Variants in SPAM1 observed in about 807,000 individuals in gnomAD.
The protein encoded by SPAM1 is sperm adhesion molecule 1, also known as hyaluronidase PH-20.
A neutral mutation model predicts 29.6 loss-of-function variants in SPAM1; 22 were observed. The ratio of observed to expected loss-of-function variants is 0.74; its 90% CI spans 0.53 to 1.06. The LOEUF (loss-of-function observed/expected upper bound fraction) is 1.06, where lower values mean the gene tolerates loss of function less well. SPAM1 is among the 50% of genes least tolerant of loss of function. The probability of loss-of-function intolerance (pLI) is 0.00; values close to 1 mark genes in which losing one functional copy is unlikely to be tolerated. For synonymous variants in SPAM1, 194 were observed against 204.6 expected (o/e 0.95, Z 0.44); for missense variants, 534 against 604.0 (o/e 0.88, Z 1.21).
chr7:123,966,008 G>A (rs1407613199), intron 5 of SPAM1, among the ~76,000 whole-genome samples: 1 of 151,944 alleles, frequency 6.6e-6, no homozygotes, highest in Admixed American at 6.6e-5. Flanking sequence ...GAAAAGTTTT[G>A]TAATCTGACC....
rs772738728 is a variant in SPAM1 at position 123,954,405 on chromosome 7, C to A, written c.835C>A (p.Arg279Ser). Reference protein sequence around the residue: ...QSPVAATLYVRNRVREAIRVS... With the variant: ...QSPVAATLYVSNRVREAIRVS... ...TCCTGTAGCTGCTACACTCTATGTG[C>A]GCAATCGAGTTCGGGAAGCCATCAG... The change falls in exon 3 of 5, where the codon CGC becomes AGC. Residue 279 changes from arginine (R) to serine (S), a missense_variant. Transcript: ENST00000682466. 3 of 1,613,332 alleles carry A rather than the reference C, an allele frequency of 1.9e-6. No homozygotes were observed. The highest frequency in any genetic ancestry group is 2.5e-6 in the Non-Finnish European group (3 of 1,179,574).
intron 4 of SPAM1, among the ~76,000 whole-genome samples, chr7:123,958,616 C>T (rs1315347858): frequency 6.6e-6 from 1 of 151,844 alleles, no homozygotes; most frequent in African/African-American, 2.4e-5. Context: ...TTGCTTGAGC[C>T]CAAGAGTTCA....
chr7:123,960,668 T>A (rs931290709), downstream of SPAM1, among the ~76,000 whole-genome samples: 3 of 151,932 alleles, frequency 2.0e-5, no homozygotes, highest in African/African-American at 4.8e-5. Flanking sequence ...TACCGCCTCC[T>A]TCCTTTCCCC....
intron 2 of SPAM1, among the ~76,000 whole-genome samples, chr7:123,952,534 G>C (rs1329449721): frequency 6.6e-6 from 1 of 151,952 alleles, no homozygotes; most frequent in Admixed American, 6.6e-5. Context: ...CTTGACCTTT[G>C]CCCAGACCAT....
Position 123,959,643 on chromosome 7 carries a change from C to G in SPAM1, c.1204C>G (p.Pro402Ala). 2.5e-6 allele frequency: 4 copies of G among 1,613,234 alleles called. No homozygotes were observed. In the South Asian group the frequency reaches 3.3e-5, roughly 13 times the overall value. ...WNSSDYLHLN[P>A]DNFAIQLEKG... ...TTCAAGTGACTATCTTCACCTCAAC[C>G]CAGATAATTTTGCTATTCAACTTGA... is the stretch of plus-strand genomic sequence containing the variant. Residue 402 changes from proline to alanine, a missense_variant, in exon 5 of 5, where the codon CCA becomes GCA. Physicochemically the swap from Pro to Ala is conservative, Grantham distance 27 (BLOSUM62 -1). Coordinates refer to ENST00000682466, the MANE Select transcript of SPAM1 (RefSeq NM_153189.3).
At chr7:123,957,909 T>C (rs942876103) in intron 4 of SPAM1, among the ~76,000 whole-genome samples, 5 of 152,040 alleles carry the variant, frequency 3.3e-5, no homozygotes. Flanking sequence ...GAATCTCTCC[T>C]TCCTTCAGTT....
At chr7:123,958,037 A>G (rs1014322116) in intron 4 of SPAM1, among the ~76,000 whole-genome samples, 11 of 152,042 alleles carry the variant, frequency 7.2e-5, no homozygotes, top group African/African-American at 2.7e-4. Context: ...CCTTAATCAC[A>G]TCTGCAAAGT....
chr7:123,940,649 C>T (rs1410346361), intron 1 of SPAM1, among the ~76,000 whole-genome samples: 1 of 151,928 alleles, frequency 6.6e-6, no homozygotes, highest in South Asian at 2.1e-4. Context: ...CCACCATGCC[C>T]AGCTAACTTT....
At chr7:123,944,092 A>G (rs1808506202) in intron 1 of SPAM1, among the ~76,000 whole-genome samples, 1 of 152,136 alleles carries the variant, frequency 6.6e-6, no homozygotes, top group Non-Finnish European at 1.5e-5. Flanking sequence ...TGGTTAATTT[A>G]TAGAGAAACT....
chr7:123,958,463 T>C (rs1477188362), intron 4 of SPAM1, among the ~76,000 whole-genome samples: 1 of 152,006 alleles, frequency 6.6e-6, no homozygotes, highest in East Asian at 1.9e-4. Flanking sequence ...TAATAGAAAG[T>C]ATAGTCAGTT....
chr7:123,958,220 C>G (rs1402063216), intron 4 of SPAM1, among the ~76,000 whole-genome samples: 2 of 152,032 alleles, frequency 1.3e-5, no homozygotes. Context: ...ATATCTACCA[C>G]TGCCACTTCC....
chr7:123,932,749 A>G (rs942646840), intron 1 of SPAM1, among the ~76,000 whole-genome samples: 2 of 152,228 alleles, frequency 1.3e-5, no homozygotes, highest in Non-Finnish European at 2.9e-5. Context: ...GGGAAAGACA[A>G]GGATAGTCTC....
intron 2 of SPAM1, 90 bp from the exon 3 acceptor site, chr7:123,953,275 C>A (rs1316672957): frequency 1.1e-5 from 3 of 273,030 alleles, no homozygotes; most frequent in East Asian, 6.9e-5. Flanking sequence ...TGAAATTAAA[C>A]CCCCTGCACT....
At chr7:123,958,469 C>A (rs184339204) in intron 4 of SPAM1, among the ~76,000 whole-genome samples, 7 of 151,968 alleles carry the variant, frequency 4.6e-5, no homozygotes, top group Non-Finnish European at 1.0e-4. Context: ...AAAGTATAGT[C>A]AGTTGAACCC....
At chr7:123,940,089 G>T (rs1305511613) in intron 1 of SPAM1, among the ~76,000 whole-genome samples, 3 of 151,756 alleles carry the variant, frequency 2.0e-5, no homozygotes, top group Admixed American at 1.3e-4. Flanking sequence ...TGTAATTACT[G>T]CTTACTTCTT....
chr7:123,968,818 T>G (rs1229321796), intron 5 of SPAM1, among the ~76,000 whole-genome samples: 1 of 152,052 alleles, frequency 6.6e-6, no homozygotes, highest in Admixed American at 6.6e-5. Flanking sequence ...TCCTCATCTG[T>G]GTGAGAATGA....
chr7:123,932,881 C>T (rs953154974), intron 1 of SPAM1, among the ~76,000 whole-genome samples: 10 of 152,022 alleles, frequency 6.6e-5, no homozygotes, highest in African/African-American at 2.2e-4. Context: ...CTCTGGAGTG[C>T]GCAGGGTGTC....
chr7:123,960,553 C>G (rs12154234), downstream of SPAM1, among the ~76,000 whole-genome samples: 57,783 of 151,704 alleles, frequency 0.38, 11,245 homozygotes, highest in Admixed American at 0.44. Flanking sequence ...TGCACAGGAT[C>G]GAAAGGAATA....
Position 123,959,796 on chromosome 7 carries a change from G to A in SPAM1, c.1357G>A (p.Asp453Asn), listed in dbSNP as rs1319981028. 6.2e-7 allele frequency: 1 copy of A among 1,613,204 alleles called. No homozygotes were observed. The highest frequency in any genetic ancestry group is 8.5e-7 in the Non-Finnish European group (1 of 1,179,546). The change falls in exon 5 of 5, where the codon GAT becomes AAT. Residue 453 changes from aspartate to asparagine, a missense_variant. Transcript: ENST00000682466. Reference protein sequence around the residue: ...CKEKADVKDTDAVDVCIADGV... With the variant: ...CKEKADVKDTNAVDVCIADGV... ...GGAGAAAGCTGATGTAAAAGACACT[G>A]ATGCTGTTGATGTGTGTATTGCTGA...
Sources: allele counts gnomAD v4.1 joint callset (sites outside exome capture counted in the v4.1 genomes callset), GRCh38; gene constraint gnomAD v4.1.1; transcripts MANE v1.5; gene names NCBI Gene and HGNC (gene_info 2026-07-23, HGNC 2026-07-21).